Variants in HNF4A observed in about 807,000 individuals in gnomAD.
HNF4A encodes hepatocyte nuclear factor 4 alpha, also known as hepatocyte nuclear factor 4-alpha.
HNF4A carries 15 observed loss-of-function variants against 52.4 expected under a neutral mutation model. The observed-to-expected ratio is 0.29, with a 90% CI of 0.19 to 0.44. The LOEUF (loss-of-function observed/expected upper bound fraction) is 0.44. Among genes scored for constraint, HNF4A ranks in the 20% least tolerant of loss-of-function variants. HNF4A has a pLI of 1.00. For missense variants in HNF4A, 479 were observed against 647.2 expected, an observed-to-expected ratio of 0.74 and a Z score of 2.82; for synonymous variants, 280 against 264.4, an observed-to-expected ratio of 1.06 and a Z score of -0.57.
intron 1 of HNF4A, among the ~76,000 whole-genome samples, chr20:44,393,377 A>G (rs1201928578): frequency 1.3e-5 from 2 of 151,820 alleles, no homozygotes; most frequent in East Asian, 3.9e-4. Flanking sequence ...TCCAGACCAT[A>G]CTCTCTGCCC....
intron 3 of HNF4A, among the ~76,000 whole-genome samples, chr20:44,413,176 C>T (rs1170656411): frequency 2.0e-5 from 3 of 152,196 alleles, no homozygotes; most frequent in African/African-American, 7.2e-5. Flanking sequence ...CAGCGCCTGG[C>T]CTTGCTGATG....
At chr20:44,415,706 G>A (rs1036802913) in intron 5 of HNF4A, among the ~76,000 whole-genome samples, 11 of 152,188 alleles carry the variant, frequency 7.2e-5, no homozygotes, top group Non-Finnish European at 2.9e-5. Context: ...AGAGGCCGAG[G>A]CTTCTCAAAC....
At chr20:44,365,151 CT>C (rs373662883) in intron 1 of HNF4A, among the ~76,000 whole-genome samples, 96 of 148,706 alleles carry the variant, frequency 6.5e-4, no homozygotes, top group Admixed American at 1.2e-3. Flanking sequence ...AAAAAAGTAT[CT>C]TTTTTTTTTG....
intron 1 of HNF4A, among the ~76,000 whole-genome samples, chr20:44,375,903 C>A (rs2063079872): frequency 1.3e-5 from 2 of 152,158 alleles, no homozygotes; most frequent in South Asian, 4.1e-4. Context: ...TCCCTGCTCT[C>A]AGACAGAGAA....
At chr20:44,362,802 C>T (rs1197999084) in intron 1 of HNF4A, among the ~76,000 whole-genome samples, 1 of 151,922 alleles carries the variant, frequency 6.6e-6, no homozygotes, top group African/African-American at 2.4e-5. Flanking sequence ...CACCTTCTAC[C>T]ACCTACTAGC....
At chr20:44,355,835 C>T in exon 1 of HNF4A, 1 of 1,613,368 alleles carries the variant, frequency 6.2e-7, no homozygotes, top group Non-Finnish European at 8.5e-7. Flanking sequence ...CCTCGGGGCT[C>T]CAGTGGAGAG....
chr20:44,426,881 G>A (rs910787539), intron 8 of HNF4A, among the ~76,000 whole-genome samples: 1 of 152,176 alleles, frequency 6.6e-6, no homozygotes, highest in Non-Finnish European at 1.5e-5. Context: ...TAGGGCTGAA[G>A]AATTTTTGCA....
chr20:44,409,740 T>C (rs2146389464), intron 3 of HNF4A, among the ~76,000 whole-genome samples: 1 of 152,280 alleles, frequency 6.6e-6, no homozygotes, highest in South Asian at 2.1e-4. Flanking sequence ...CATTGGATAA[T>C]GAACCCTTCA....
Position 44,362,191 on chromosome 20 carries a change from G to A in HNF4A, c.49+6338G>A, listed in dbSNP as rs540195417. ...TCCCAGCACTTTGGGAGGCTAAGGC[G>A]GGTGGATCACTTGAGGTCAGGAGTT... On this transcript the variant is annotated intron_variant, in intron 1 of 9. Coordinates refer to the HNF4A transcript ENST00000316673. Among the ~76,000 whole-genome samples, 84 of 152,086 alleles carry A rather than the reference G, an allele frequency of 5.5e-4. 1 individual carries two copies. The highest frequency in any genetic ancestry group is 1.9e-3 in the African/African-American group (80 of 41,454).
At position 44,413,635 on chromosome 20, in the gene HNF4A, AC is replaced by A. The variant is rs1195275723; in HGVS notation, c.386-54del. The A allele has an allele frequency of 1.5e-5, 18 of 1,186,234 alleles. No homozygotes were observed. The East Asian group carries it at 4.3e-4, about 28-fold the overall frequency. The allele number at this position is 1,186,234 out of a possible 1,614,324, so 73.5% of individuals were successfully genotyped here. ...CTCCCACTCCTCATCAGTCACAGAC[AC>A]CCCCACCCCCTACTCCATCCCTGTT... On this transcript the variant is annotated intron_variant, in intron 3 of 9. Transcript: ENST00000316099.
At chr20:44,380,863 C>T (rs1311456997) in intron 1 of HNF4A, among the ~76,000 whole-genome samples, 2 of 152,132 alleles carry the variant, frequency 1.3e-5, no homozygotes, top group Non-Finnish European at 2.9e-5. Flanking sequence ...AAGCTTTTCC[C>T]TTATGTTTTA....
At position 44,404,056 on chromosome 20, in the gene HNF4A, C is replaced by T. The variant is rs142865686; in HGVS notation, c.116-2002C>T. On this transcript the variant is annotated intron_variant, in intron 1 of 9. Transcript: ENST00000316099. ...GGAGGGGGCTGCACTCCTGGGGACA[C>T]CTGGGAGTCTGCGATGGCAGAAATG... is the stretch of plus-strand genomic sequence containing the variant. 2.2e-3 allele frequency among the ~76,000 whole-genome samples: 341 copies of T among 152,260 alleles called. 3 individuals carry two copies. The South Asian group carries it at 0.025, about 11-fold the overall frequency.
intron 1 of HNF4A, among the ~76,000 whole-genome samples, chr20:44,387,715 C>G (rs1391984114): frequency 5.0e-5 from 4 of 80,156 alleles, no homozygotes; most frequent in African/African-American, 8.1e-5. Flanking sequence ...CCAACCCTGG[C>G]AGGTTTAAAA....
chr20:44,375,281 T>C (rs2063073095), intron 1 of HNF4A, among the ~76,000 whole-genome samples: 2 of 151,948 alleles, frequency 1.3e-5, no homozygotes, highest in Non-Finnish European at 2.9e-5. Flanking sequence ...TTCTAGCTCC[T>C]TGTAGAATTG....
At chr20:44,423,918 C>G in intron 7 of HNF4A, 100 bp from the exon 8 acceptor site, 1 of 1,105,668 alleles carries the variant, frequency 9.0e-7, no homozygotes, top group East Asian at 2.5e-5. Flanking sequence ...CTGCTGAAGA[C>G]TCCTTGTGTG....
At chr20:44,413,142 G>C (rs540297167) in intron 3 of HNF4A, among the ~76,000 whole-genome samples, 1 of 152,170 alleles carries the variant, frequency 6.6e-6, no homozygotes, top group Non-Finnish European at 1.5e-5. Context: ...GCCTGGAACA[G>C]AGCAGCAGTG....
chr20:44,371,240 T>C (rs989920165), intron 1 of HNF4A, among the ~76,000 whole-genome samples: 1 of 152,190 alleles, frequency 6.6e-6, no homozygotes, highest in Non-Finnish European at 1.5e-5. Context: ...AGTTAGAGGC[T>C]ATGGGCAGAT....
upstream of HNF4A, chr20:44,401,132 A>C (rs1248803962): frequency 7.9e-7 from 1 of 1,270,900 alleles, no homozygotes. Context: ...AAATCCCTGC[A>C]GCCCCGCCCA....
intron 6 of HNF4A, 29 bp from the exon 7 acceptor site, chr20:44,419,692 C>T (rs780467098): frequency 1.2e-6 from 2 of 1,610,852 alleles, no homozygotes; most frequent in Non-Finnish European, 1.7e-6. Context: ...AGGTGACTTC[C>T]CATCCTCCCT....
Sources: gnomAD v4.1 joint callset for allele counts (sites outside exome capture counted in the v4.1 genomes callset) on GRCh38, gnomAD v4.1.1 for gene constraint, MANE v1.5 for transcripts, NCBI Gene and HGNC (gene_info 2026-07-23, HGNC 2026-07-21) for gene names.